Variants in MRTFA observed in about 807,000 individuals in gnomAD.
The protein encoded by MRTFA is myocardin related transcription factor A, also known as myocardin-related transcription factor A.
A neutral mutation model predicts 83.5 loss-of-function variants in MRTFA; 20 were observed. The observed-to-expected ratio is 0.24, with a 90% confidence interval of 0.17 to 0.35. The LOEUF is 0.35. MRTFA is among the 10% of genes least tolerant of loss of function. The pLI is 1.00. For synonymous variants in MRTFA, 659 were observed against 541.2 expected (o/e 1.22, Z -3.02); for missense variants, 1,200 against 1,224.7 (o/e 0.98, Z 0.30).
At chr22:40,607,397 G>C (rs973602092) in intron 1 of MRTFA, among the ~76,000 whole-genome samples, 1 of 152,016 alleles carries the variant, frequency 6.6e-6, no homozygotes, top group African/African-American at 2.4e-5. Flanking sequence ...CCAGCTACAC[G>C]GGAGGCTGAG....
At chr22:40,634,897 C>T (rs1329941877) in intron 1 of MRTFA, among the ~76,000 whole-genome samples, 1 of 152,182 alleles carries the variant, frequency 6.6e-6, no homozygotes, top group Non-Finnish European at 1.5e-5. Flanking sequence ...ACATATTACT[C>T]TTCCACCTCT....
rs2056027055 is a variant in MRTFA at position 40,586,281 on chromosome 22, GAAGGA to G, written c.-22+8388_-22+8392del. 2.8e-5 allele frequency among the ~76,000 whole-genome samples: 4 copies of G among 145,138 alleles called. No individual in the cohort carries two copies. In the South Asian group the frequency reaches 8.8e-4, roughly 32 times the overall value. ...ATTTGCTCTTCAAAAAAAAAAAAAA[GAAGGA>G]AAGAAAGAACAGTACAAACAATAAC... On this transcript the variant is annotated intron_variant, in intron 2 of 14. Transcript: ENST00000355630.
At chr22:40,570,106 A>G (rs982169462) in intron 2 of MRTFA, among the ~76,000 whole-genome samples, 1 of 152,166 alleles carries the variant, frequency 6.6e-6, no homozygotes, top group African/African-American at 2.4e-5. Context: ...GTTGTTGCCC[A>G]ATATCCTCTC....
chr22:40,516,426 AAAAAAAAAAAAAAAAAAGG>A lies in MRTFA; in HGVS notation c.241+35661_241+35679del, dbSNP rs2054759927. Among the ~76,000 whole-genome samples the A allele has an allele frequency of 2.5e-5, 3 of 118,670 alleles. No homozygotes were observed. The South Asian group carries it at 8.1e-4, about 32-fold the overall frequency. 77.9% of individuals were successfully genotyped at this position (118,670 alleles called of 152,430 possible). ...CAGAGCGAGGGACTGCCTCAAGAAA[AAAAAAAAAAAAAAAAAAGG>A]AAAAAGAAAAAAAAAAAAAGTTTCT... On this transcript the variant is annotated intron_variant, in intron 3 of 14. Transcript: ENST00000355630.
intron 4 of MRTFA, among the ~76,000 whole-genome samples, chr22:40,451,812 T>C (rs771663702): frequency 2.0e-4 from 31 of 152,286 alleles, no homozygotes; most frequent in Middle Eastern, 3.4e-3. Flanking sequence ...CACTCCAGTA[T>C]ACTTTTTGGC....
At chr22:40,521,005 G>A (rs1000503263) in intron 3 of MRTFA, among the ~76,000 whole-genome samples, 3 of 151,816 alleles carry the variant, frequency 2.0e-5, no homozygotes, top group African/African-American at 7.3e-5. Flanking sequence ...TTCATTCTGA[G>A]ATAATTATAG....
intron 3 of MRTFA, among the ~76,000 whole-genome samples, chr22:40,487,961 G>GA (rs1324136317): frequency 1.3e-5 from 2 of 151,868 alleles, no homozygotes; most frequent in Admixed American, 6.6e-5. Flanking sequence ...ACACCGTGGA[G>GA]AAAAAAAGAA....
intron 1 of MRTFA, among the ~76,000 whole-genome samples, chr22:40,633,894 A>G (rs545582230): frequency 6.6e-6 from 1 of 152,292 alleles, no homozygotes; most frequent in East Asian, 1.9e-4. Context: ...ACCGTATACC[A>G]TACTTTTAAG....
In MRTFA at chr22:40,416,455, C is replaced by A. The variant is rs111238060; in HGVS notation, c.2578+531G>T. Among the ~76,000 whole-genome samples the A allele has an allele frequency of 6.1e-4, 93 of 152,360 alleles. No individual in the cohort carries two copies. Among genetic ancestry groups the A allele is most frequent in the African/African-American group, 2.1e-3 (89 of 41,580 alleles). ...TTCCCACACAATGGAGCCAAAGCCA[C>A]CCTGCCCTGGTGCCCAGGAGGCCAC... is the stretch of plus-strand genomic sequence containing the variant. On this transcript the variant is annotated intron_variant, in intron 14 of 14. Transcript: ENST00000355630. The surrounding 1 kb of genome is among the most constrained non-coding windows in gnomAD (Gnocchi z 4.2).
At chr22:40,498,452 T>G (rs1602339977) in intron 3 of MRTFA, among the ~76,000 whole-genome samples, 1 of 149,454 alleles carries the variant, frequency 6.7e-6, no homozygotes, top group African/African-American at 2.5e-5. Flanking sequence ...CCCAGCTGAT[T>G]TTTGCATTTT....
rs1226947654 is a variant in MRTFA at position 40,417,235 on chromosome 22, C to G, written c.2517+106G>C. 3.4e-6 allele frequency: 5 copies of G among 1,490,600 alleles called. No individual in the cohort carries two copies. In the African/African-American group the frequency reaches 4.2e-5, roughly 12 times the overall value. 92.3% of individuals were successfully genotyped at this position (1,490,600 alleles called of 1,614,324 possible). On this transcript the variant is annotated intron_variant, in intron 13 of 14. Coordinates refer to ENST00000355630, the MANE Select transcript of MRTFA (RefSeq NM_020831.6). ...CCCCAAGGCCTCTCTGACCCTGAAG[C>G]TGGGCTTCGCCTGCCCCCTATTCCT...
chr22:40,413,397 T>C (rs565968365), intron 14 of MRTFA, among the ~76,000 whole-genome samples: 3 of 150,772 alleles, frequency 2.0e-5, no homozygotes, highest in South Asian at 4.3e-4. Flanking sequence ...TGCAGTGCAG[T>C]GGGGCAATCT....
At chr22:40,478,078 T>C (rs917348617) in intron 3 of MRTFA, among the ~76,000 whole-genome samples, 13 of 152,194 alleles carry the variant, frequency 8.5e-5, no homozygotes, top group African/African-American at 2.9e-4. Context: ...AAGGTCCATT[T>C]ATCTTTTGCC....
At chr22:40,591,946 G>C (rs2056126536) in intron 2 of MRTFA, among the ~76,000 whole-genome samples, 1 of 152,032 alleles carries the variant, frequency 6.6e-6, no homozygotes, top group Admixed American at 6.6e-5. Flanking sequence ...TTCTTTCATA[G>C]ATATATGCAC....
At chr22:40,457,463 A>AAAGAAAGAAAGAAAGG in intron 4 of MRTFA, among the ~76,000 whole-genome samples, 1 of 150,942 alleles carries the variant, frequency 6.6e-6, no homozygotes, top group South Asian at 2.1e-4. Context: ...AGAAAGAAAG[A>AAAGAAAGAAAGAAAGG]AAGAAAGAAA....
chr22:40,590,150 T>A (rs1429508365), intron 2 of MRTFA, among the ~76,000 whole-genome samples: 4 of 152,144 alleles, frequency 2.6e-5, no homozygotes, highest in Non-Finnish European at 4.4e-5. Flanking sequence ...GTTAGCCAGG[T>A]TAGTTTGTTG....
chr22:40,418,153 A>G (rs1019020771), intron 12 of MRTFA, among the ~76,000 whole-genome samples: 2 of 152,210 alleles, frequency 1.3e-5, no homozygotes, highest in African/African-American at 4.8e-5. Flanking sequence ...CTCAACAGCC[A>G]GAGAGGTGGG....
chr22:40,411,999 C>T (rs1358915214), intron 14 of MRTFA, 92 bp from the exon 15 acceptor site: 3 of 1,110,278 alleles, frequency 2.7e-6, no homozygotes, highest in South Asian at 5.9e-5. Context: ...CAACGTCACA[C>T]CATTTACAAA....
intron 2 of MRTFA, among the ~76,000 whole-genome samples, chr22:40,570,341 C>A (rs775392342): frequency 4.6e-5 from 7 of 151,596 alleles, no homozygotes; most frequent in Non-Finnish European, 8.8e-5. Context: ...TTTGGGAGGC[C>A]GAGGCGGGTG....
Sources: allele counts gnomAD v4.1 joint callset (sites outside exome capture counted in the v4.1 genomes callset), GRCh38; gene constraint gnomAD v4.1.1; non-coding constraint Gnocchi (gnomAD v3.1); transcripts MANE v1.5; gene names NCBI Gene and HGNC (gene_info 2026-07-23, HGNC 2026-07-21).